ZNF527: variants seen among roughly 807,000 people sequenced by gnomAD.
ZNF527 encodes zinc finger protein 527.
Under a neutral mutation model 13.5 loss-of-function variants are expected in ZNF527, and 5 were observed. The ratio of observed to expected loss-of-function variants is 0.37; its 90% confidence interval spans 0.19 to 0.78. The LOEUF (loss-of-function observed/expected upper bound fraction) is 0.78, where lower values mean the gene tolerates loss of function less well. Among genes scored for constraint, ZNF527 ranks in the 30% least tolerant of loss-of-function variants. The pLI, the probability that ZNF527 is intolerant of heterozygous loss-of-function variation, is 0.48. For missense variants in ZNF527, 628 were observed against 726.4 expected (o/e 0.86, Z 1.56); for synonymous variants, 209 against 243.1 (o/e 0.86, Z 1.30).
rs2040693157 is a variant in ZNF527 at position 37,385,816 on chromosome 19, T to A, written c.257-2490T>A. Among the ~76,000 whole-genome samples the A allele has an allele frequency of 2.0e-5, 3 of 152,210 alleles. No homozygotes were observed. In the South Asian group the frequency reaches 6.2e-4, roughly 31 times the overall value. On this transcript the variant is annotated intron_variant, in intron 4 of 4. Coordinates refer to ENST00000436120, the MANE Select transcript of ZNF527 (RefSeq NM_032453.2). ...AACCTTACTCCCTTCTCTCTTCCAA[T>A]TACTTACATAGCAGTTGTAATCTCA...
In ZNF527 at chr19:37,374,249, CT is replaced by C. The variant is rs780096658; in HGVS notation, c.33+21del. On this transcript the variant is annotated intron_variant, in intron 2 of 4. Transcript: ENST00000436120. ...TGTCCCAGGTAAGCATGCTCTTTCACTTTGTTTTCAGACATTTGACCTCATT... is the reference window on the plus strand; with the variant it reads ...TGTCCCAGGTAAGCATGCTCTTTCACTTGTTTTCAGACATTTGACCTCATT... The C allele has an allele frequency of 1.2e-5, 19 of 1,613,730 alleles. No homozygotes were observed. The highest frequency in any genetic ancestry group is 3.3e-5 in the Admixed American group (2 of 59,942).
At chr19:37,378,860 T>G (rs2040628716) in intron 2 of ZNF527, among the ~76,000 whole-genome samples, 1 of 152,224 alleles carries the variant, frequency 6.6e-6, no homozygotes. Context: ...AACATACAAC[T>G]TAGTCTTTGC....
At chr19:37,380,493 C>A in intron 4 of ZNF527, 121 bp downstream of exon 4, 1 of 704,412 alleles carries the variant, frequency 1.4e-6, no homozygotes, top group South Asian at 2.3e-5. Flanking sequence ...ATGTGCTTCC[C>A]TAGAAACCTC....
intron 4 of ZNF527, among the ~76,000 whole-genome samples, chr19:37,383,766 T>A (rs1307571476): frequency 6.6e-6 from 1 of 151,798 alleles, no homozygotes; most frequent in Non-Finnish European, 1.5e-5. Context: ...CTCGAACTCC[T>A]GACCTTGTGA....
In ZNF527 at chr19:37,388,869, C is replaced by G; in HGVS notation, c.820C>G (p.His274Asp). 6.2e-7 allele frequency: 1 copy of G among 1,614,134 alleles called. No homozygotes were observed. ...HQTTHFGKLP[H>D]GYDECGDAFS... is the part of the protein sequence containing the mutation. ...GACCACTCATTTTGGAAAATTACCC[C>G]ATGGATACGATGAATGTGGTGATGC... The change falls in exon 5 of 5, where the codon CAT (histidine) becomes GAT (aspartate). Residue 274 changes from histidine to aspartate, a missense_variant. By Grantham distance (81) the His-to-Asp change is moderately conservative. Coordinates refer to ENST00000436120, the MANE Select transcript of ZNF527 (RefSeq NM_032453.2).
chr19:37,376,596 C>T lies in ZNF527; in HGVS notation c.33+2365C>T, dbSNP rs527493337. 5.0e-4 allele frequency among the ~76,000 whole-genome samples: 76 copies of T among 151,008 alleles called. 2 individuals carry two copies. In the South Asian group the frequency reaches 0.012, roughly 24 times the overall value. ...GTCTGAGGCAGGAGAATCGCTTGAA[C>T]CCAGGAGGTGGAGGTTGCAGTGAGC... On this transcript the variant is annotated intron_variant, in intron 2 of 4. Coordinates refer to ENST00000436120, the MANE Select transcript of ZNF527 (RefSeq NM_032453.2).
In ZNF527 at chr19:37,392,421, A is replaced by G. The variant is rs932781534; in HGVS notation, c.*2542A>G. On this transcript the variant is annotated 3_prime_UTR_variant, in exon 5 of 5. Coordinates refer to ENST00000436120, the MANE Select transcript of ZNF527 (RefSeq NM_032453.2). ...TTTATTTTTTTTGAGACAGGGTCTC[A>G]CTCTGTTATCCAGGCTGGAATGCGG... 2 of 151,936 alleles carry G rather than the reference A, an allele frequency of 1.3e-5. No homozygotes were observed. Among genetic ancestry groups the G allele is most frequent in the African/African-American group, 4.8e-5 (2 of 41,352 alleles). The allele number at this position is 151,936 out of a possible 1,614,324, so 9.4% of individuals were successfully genotyped here. A position where few individuals can be genotyped will look rare whatever the true frequency, so the allele number is the denominator to read the frequency against.
At chr19:37,382,739 C>A (rs1297553574) in intron 4 of ZNF527, among the ~76,000 whole-genome samples, 1 of 152,116 alleles carries the variant, frequency 6.6e-6, no homozygotes, top group South Asian at 2.1e-4. Flanking sequence ...GATGGAGTCT[C>A]GCTCTGTCAC....
chr19:37,378,969 A>T, intron 2 of ZNF527, 151 bp from the exon 3 acceptor site: 1 of 809,828 alleles, frequency 1.2e-6, no homozygotes, highest in Non-Finnish European at 1.9e-6. Context: ...CTCTTCTCTT[A>T]AAGTATTTGA....
rs948579830 is a variant in ZNF527, at chr19:37,389,945, C to A, written c.*66C>A. ...AATCCTTATTAAATATTAGTGAGTT[C>A]TTTTTGGTTAGTAATTCTTTGAATG... On this transcript the variant is annotated 3_prime_UTR_variant, in exon 5 of 5. Transcript: ENST00000436120. The A allele has an allele frequency of 2.0e-6, 3 of 1,491,220 alleles. No individual in the cohort carries two copies. The highest frequency in any genetic ancestry group is 2.7e-6 in the Non-Finnish European group (3 of 1,127,504). 92.4% of individuals were successfully genotyped at this position (1,491,220 alleles called of 1,614,324 possible). A position where few individuals can be genotyped will look rare whatever the true frequency, so the allele number is the denominator to read the frequency against.
intron 2 of ZNF527, among the ~76,000 whole-genome samples, chr19:37,376,623 A>G (rs2040609996): frequency 6.6e-6 from 1 of 150,680 alleles, no homozygotes; most frequent in African/African-American, 2.4e-5. Context: ...GCAGTGAGCC[A>G]AGATCGCGCC....
chr19:37,388,213 C>T (rs2040715667), intron 4 of ZNF527, 93 bp from the exon 5 acceptor site: 6 of 1,429,994 alleles, frequency 4.2e-6, no homozygotes, highest in Non-Finnish European at 5.7e-6. Context: ...TACCCTCCTT[C>T]CCCCCAGTTA....
Position 37,389,350 on chromosome 19 carries a change from G to T in ZNF527, c.1301G>T (p.Arg434Ile), listed in dbSNP as rs1264868492. 10 of 1,614,060 alleles carry T rather than the reference G, an allele frequency of 6.2e-6. No homozygotes were observed. Among genetic ancestry groups the T allele is most frequent in the African/African-American group, 1.3e-5 (1 of 74,926 alleles). Residue 434 changes from arginine (R) to isoleucine (I), a missense_variant, in exon 5 of 5, where the codon AGA becomes ATA. Coordinates refer to ENST00000436120, the MANE Select transcript of ZNF527 (RefSeq NM_032453.2). ...CGCATAGCCCTTACTCTACATCAAA[G>T]AATTCACACAGGAGAGAAACCCTTC... Reference protein sequence around the residue: ...SRRIALTLHQRIHTGEKPFKC... With the variant: ...SRRIALTLHQIIHTGEKPFKC...
chr19:37,382,563 T>C (rs1469801415), intron 4 of ZNF527, among the ~76,000 whole-genome samples: 1 of 152,228 alleles, frequency 6.6e-6, no homozygotes, highest in African/African-American at 2.4e-5. Flanking sequence ...TAAAGTAGTT[T>C]CAGAATTTCT....
rs749838561 is a variant in ZNF527 at position 37,389,862 on chromosome 19, A to T, written c.1813A>T (p.Asn605Tyr). ...CCTTAGACGACATCAGAGAATTCATAATAGAGAAACGCTCTGATTATAACA... is the reference window on the plus strand; with the variant it reads ...CCTTAGACGACATCAGAGAATTCATTATAGAGAAACGCTCTGATTATAACA... ...SALRRHQRIHNRETL is the reference protein window; with the variant it reads ...SALRRHQRIHYRETL The change falls in exon 5 of 5, where the codon AAT becomes TAT. Residue 605 changes from asparagine to tyrosine, a missense_variant. This residue lies in a region of ZNF527 where 592 missense variants were observed against 678.0 expected (regional missense o/e 0.87). Transcript: ENST00000436120. The T allele has an allele frequency of 6.3e-7, 1 of 1,598,480 alleles. No individual in the cohort carries two copies. Among genetic ancestry groups the T allele is most frequent in the Non-Finnish European group, 8.5e-7 (1 of 1,174,850 alleles).
At chr19:37,378,186 T>A (rs1203739380) in intron 2 of ZNF527, among the ~76,000 whole-genome samples, 1 of 151,872 alleles carries the variant, frequency 6.6e-6, no homozygotes, top group Non-Finnish European at 1.5e-5. Flanking sequence ...TACCACCATG[T>A]CCAGCTAATT....
intron 2 of ZNF527, among the ~76,000 whole-genome samples, chr19:37,376,269 G>C (rs1237104510): frequency 6.6e-6 from 1 of 152,146 alleles, no homozygotes; most frequent in African/African-American, 2.4e-5. Context: ...AGGATCGCTT[G>C]AGCCCAGGAG....
intron 4 of ZNF527, among the ~76,000 whole-genome samples, chr19:37,381,139 A>G (rs2040650676): frequency 6.6e-6 from 1 of 152,180 alleles, no homozygotes; most frequent in African/African-American, 2.4e-5. Flanking sequence ...TGCTGTGCAT[A>G]TGGCAAGTTA....
intron 1 of ZNF527, 101 bp from the exon 2 acceptor site, chr19:37,374,057 C>A: frequency 1.3e-6 from 1 of 767,636 alleles, no homozygotes; most frequent in Non-Finnish European, 2.2e-6. Flanking sequence ...TGAGGCTGGC[C>A]CATGTAGGGA....
Sources: allele counts gnomAD v4.1 joint callset (sites outside exome capture counted in the v4.1 genomes callset), GRCh38; gene constraint gnomAD v4.1.1; regional missense constraint gnomAD v4.1.1; transcripts MANE v1.5; gene names NCBI Gene and HGNC (gene_info 2026-07-23, HGNC 2026-07-21).